Variants in LHX2 observed in about 807,000 individuals in gnomAD.
LHX2 encodes LIM/homeobox protein Lhx2.
A neutral mutation model predicts 33.0 loss-of-function variants in LHX2; 6 were observed. The observed-to-expected ratio is 0.18, with a 90% CI of 0.10 to 0.36. LHX2 has a LOEUF of 0.36. Ranked by LOEUF, LHX2 falls within the 10% of genes least tolerant of loss-of-function variation. LHX2 has a pLI of 1.00. For missense variants in LHX2, 442 were observed against 586.2 expected, an observed-to-expected ratio of 0.75 and a Z score of 2.54; for synonymous variants, 292 against 253.1, an observed-to-expected ratio of 1.15 and a Z score of -1.46.
rs1353524884 is a variant in LHX2, at chr9:124,013,972, C to T, written c.132C>T (p.Ser44=). Residue 44 remains serine, a synonymous_variant, in exon 2 of 5, where the codon TCC becomes TCT. Coordinates refer to ENST00000373615, the MANE Select transcript of LHX2 (RefSeq NM_004789.4). ...DRGDTETTMP[S]ISSDRAALCA... ...CCCTCCCTTCGCAGACCATGCCGTC[C>T]ATCAGCAGTGACCGCGCCGCGCTGT... 20 of 1,612,856 alleles carry T rather than the reference C, an allele frequency of 1.2e-5. No individual in the cohort carries two copies. The highest frequency in any genetic ancestry group is 1.4e-5 in the Non-Finnish European group (17 of 1,179,898).
intron 4 of LHX2, among the ~76,000 whole-genome samples, chr9:124,029,972 C>T (rs1298973721): frequency 1.3e-5 from 2 of 152,200 alleles, no homozygotes; most frequent in Non-Finnish European, 2.9e-5. Flanking sequence ...GGAAGGACCC[C>T]CCCACCCCAG....
Position 124,021,209 on chromosome 9 carries a change from A to T in LHX2, c.838A>T (p.Thr280Ser). 6.2e-7 allele frequency: 1 copy of T among 1,614,226 alleles called. No homozygotes were observed. ...RTSFKHHQLR[T>S]MKSYFAINHN... ...GTCCTTCAAGCACCACCAGCTTCGG[A>T]CCATGAAGTCTTACTTTGCCATTAA... The change falls in exon 4 of 5, where the codon ACC becomes TCC. Residue 280 changes from threonine (T) to serine (S), a missense_variant. Physicochemically the swap from Thr to Ser is moderately conservative, Grantham distance 58 (BLOSUM62 1). Coordinates refer to ENST00000373615, the MANE Select transcript of LHX2 (RefSeq NM_004789.4).
intron 3 of LHX2, among the ~76,000 whole-genome samples, chr9:124,019,866 C>T (rs1185135656): frequency 3.9e-5 from 6 of 152,178 alleles, no homozygotes; most frequent in African/African-American, 1.4e-4. Flanking sequence ...CATGAGGAGG[C>T]GACCTTGGGA....
intron 4 of LHX2, chr9:124,021,735 T>C: frequency 6.1e-6 from 1 of 163,540 alleles, no homozygotes; most frequent in Non-Finnish European, 1.3e-5. Flanking sequence ...TATCATTAGC[T>C]CCTGCTTCTT....
At position 124,012,673 on chromosome 9, in the gene LHX2, G is replaced by A. The variant is rs1196393888; in HGVS notation, c.120+205G>A. On this transcript the variant is annotated intron_variant, in intron 1 of 4. Transcript: ENST00000373615. The surrounding 1 kb of genome is among the most constrained non-coding windows in gnomAD (Gnocchi z 4.3). ...GCAGAAGGGAAACAAGGTTGAAACC[G>A]AAATCTCGGCCCTGGGGGTAGAGGA... Among the ~76,000 whole-genome samples, 1 of 152,242 alleles carries A rather than the reference G, an allele frequency of 6.6e-6. No homozygotes were observed. The highest frequency in any genetic ancestry group is 2.4e-5 in the African/African-American group (1 of 41,474).
intron 4 of LHX2, among the ~76,000 whole-genome samples, chr9:124,025,440 CAA>C (rs71999375): frequency 1.4e-4 from 15 of 104,342 alleles, no homozygotes; most frequent in Admixed American, 6.7e-4. Context: ...GACTCTGTCT[CAA>C]AAAAAAAAAA....
Position 124,012,296 on chromosome 9 carries a change from G to T in LHX2, c.-53G>T. On this transcript the variant is annotated 5_prime_UTR_variant, in exon 1 of 5. Transcript: ENST00000373615. This position sits in a 1 kb window ranked among gnomAD's most constrained non-coding sequence, Gnocchi z 4.3. ...GGAGCGCCAGGCAGCTGAGGCGGGG[G>T]GCAAGCCCTCCCTCGGAGGAGCCGC... The T allele has an allele frequency of 1.3e-5, 19 of 1,457,522 alleles. No individual in the cohort carries two copies. The highest frequency in any genetic ancestry group is 1.6e-5 in the Non-Finnish European group (18 of 1,109,610). 90.3% of individuals were successfully genotyped at this position (1,457,522 alleles called of 1,614,324 possible). A position where few individuals can be genotyped will look rare whatever the true frequency, so the allele number is the denominator to read the frequency against.
Position 124,012,348 on chromosome 9 carries a change from G to A in LHX2, c.-1G>A, listed in dbSNP as rs1198542108. 4 of 1,501,070 alleles carry A rather than the reference G, an allele frequency of 2.7e-6. No homozygotes were observed. In the Admixed American group the frequency reaches 6.3e-5, roughly 24 times the overall value. The allele number at this position is 1,501,070 out of a possible 1,614,324, so 93.0% of individuals were successfully genotyped here. A position where few individuals can be genotyped will look rare whatever the true frequency, so the allele number is the denominator to read the frequency against. ...CCCCCGGCCCCGCCGGTCCCGCCGCGATGCTGTTCCACAGTCTGTCGGGCC... is the reference window on the plus strand; with the variant it reads ...CCCCCGGCCCCGCCGGTCCCGCCGCAATGCTGTTCCACAGTCTGTCGGGCC... On this transcript the variant is annotated 5_prime_UTR_variant, in exon 1 of 5. Coordinates refer to ENST00000373615, the MANE Select transcript of LHX2 (RefSeq NM_004789.4). This position sits in a 1 kb window ranked among gnomAD's most constrained non-coding sequence, Gnocchi z 4.3.
chr9:124,026,852 G>C (rs144219432), intron 4 of LHX2, among the ~76,000 whole-genome samples: 1 of 152,214 alleles, frequency 6.6e-6, no homozygotes, highest in Non-Finnish European at 1.5e-5. Flanking sequence ...GAGGTAGTCA[G>C]GGAAGGCTTC....
chr9:124,022,844 C>A (rs1177477139), intron 4 of LHX2, among the ~76,000 whole-genome samples: 4 of 152,198 alleles, frequency 2.6e-5, no homozygotes, highest in African/African-American at 9.7e-5. Context: ...GCAGCGCTGC[C>A]CACGGGGAGC....
At position 124,012,485 on chromosome 9, in the gene LHX2, G is replaced by A. The variant is rs745724313; in HGVS notation, c.120+17G>A. On this transcript the variant is annotated intron_variant, in intron 1 of 4. Transcript: ENST00000373615. The surrounding 1 kb of genome is among the most constrained non-coding windows in gnomAD (Gnocchi z 4.3). ...ACCGAGACGGTAGGCGCGCGGCTGTGGGGTCGGGGCTGAGAGCTGGGATGG... is the reference window on the plus strand; with the variant it reads ...ACCGAGACGGTAGGCGCGCGGCTGTAGGGTCGGGGCTGAGAGCTGGGATGG... The A allele has an allele frequency of 2.6e-6, 4 of 1,538,058 alleles. No individual in the cohort carries two copies. The South Asian group carries it at 4.8e-5, about 18-fold the overall frequency.
chr9:124,020,948 A>G (rs1588348589), intron 3 of LHX2, 151 bp from the exon 4 acceptor site: 3 of 691,946 alleles, frequency 4.3e-6, no homozygotes, highest in Non-Finnish European at 7.4e-6. Context: ...GTTTCCATCT[A>G]TAAAATGGGG....
At position 124,016,542 on chromosome 9, in the gene LHX2, A is replaced by G. The variant is rs2159792; in HGVS notation, c.727+1017A>G. The stretch of plus-strand genomic sequence containing the variant: ...CCCTTTAGTCTAATGCACAAGCAGA[A>G]AAAAGCAAAAACAAAAACAAACCCA... On this transcript the variant is annotated intron_variant, in intron 3 of 4. Coordinates refer to ENST00000373615, the MANE Select transcript of LHX2 (RefSeq NM_004789.4). The surrounding 1 kb of genome is among the most constrained non-coding windows in gnomAD (Gnocchi z 4.4). Among the ~76,000 whole-genome samples the G allele has an allele frequency of 0.38, 57,797 of 152,098 alleles. 12,013 individuals are homozygous for G. Among genetic ancestry groups the G allele is most frequent in the Admixed American group, 0.49 (7,425 of 15,278 alleles).
Position 124,029,917 on chromosome 9 carries a change from C to G in LHX2, c.934-2503C>G, listed in dbSNP as rs35923842. ...TTCCCCATCCATTTTCTTTAGGCCA[C>G]CAGGACACAGTCTCTCCCCTACAGA... On this transcript the variant is annotated intron_variant, in intron 4 of 4. Transcript: ENST00000373615. Among the ~76,000 whole-genome samples the G allele has an allele frequency of 1.6e-3, 248 of 152,294 alleles. 1 individual carries two copies. Among genetic ancestry groups the G allele is most frequent in the Non-Finnish European group, 2.9e-3 (195 of 68,020 alleles).
At chr9:124,028,951 T>C (rs924880805) in intron 4 of LHX2, among the ~76,000 whole-genome samples, 1 of 151,960 alleles carries the variant, frequency 6.6e-6, no homozygotes, top group Non-Finnish European at 1.5e-5. Flanking sequence ...GTACTAAAAA[T>C]ACAAAAAAAT....
intron 3 of LHX2, among the ~76,000 whole-genome samples, chr9:124,019,180 G>A (rs1342667853): frequency 1.3e-5 from 2 of 152,222 alleles, no homozygotes; most frequent in East Asian, 3.8e-4. Flanking sequence ...GCTCTCTGTG[G>A]GAATGCAGCC....
In LHX2 at chr9:124,032,635, T is replaced by G; in HGVS notation, c.1149T>G (p.Thr383=). 1 of 1,614,050 alleles carries G rather than the reference T, an allele frequency of 6.2e-7. No individual in the cohort carries two copies. Among genetic ancestry groups the G allele is most frequent in the Non-Finnish European group, 8.5e-7 (1 of 1,179,928 alleles). ...PTLPTVTSVL[T]SVPGNLEGHE... ...TGCCAACTGTGACGTCCGTCTTAACTTCTGTGCCTGGCAACCTGGAGGGCC... is the reference window on the plus strand; with the variant it reads ...TGCCAACTGTGACGTCCGTCTTAACGTCTGTGCCTGGCAACCTGGAGGGCC... Residue 383 remains threonine (T), a synonymous_variant, in exon 5 of 5, where the codon ACT becomes ACG. Coordinates refer to ENST00000373615, the MANE Select transcript of LHX2 (RefSeq NM_004789.4). This position sits in a 1 kb window ranked among gnomAD's most constrained non-coding sequence, Gnocchi z 4.1.
At chr9:124,023,261 T>C (rs933149159) in intron 4 of LHX2, among the ~76,000 whole-genome samples, 11 of 152,172 alleles carry the variant, frequency 7.2e-5, no homozygotes, top group African/African-American at 2.7e-4. Flanking sequence ...AGAAGAAGAA[T>C]TGTTTTGGGT....
Position 124,016,188 on chromosome 9 carries a change from G to C in LHX2, c.727+663G>C, listed in dbSNP as rs1273997568. Among the ~76,000 whole-genome samples, 1 of 152,036 alleles carries C rather than the reference G, an allele frequency of 6.6e-6. No individual in the cohort carries two copies. Among genetic ancestry groups the C allele is most frequent in the African/African-American group, 2.4e-5 (1 of 41,390 alleles). The stretch of plus-strand genomic sequence containing the variant: ...CGTGACCCTCGGAAGCGAGCCCCCC[G>C]GGCGGGGACGAGACCGGAGCAGGCC... On this transcript the variant is annotated intron_variant, in intron 3 of 4. Transcript: ENST00000373615. The surrounding 1 kb of genome is among the most constrained non-coding windows in gnomAD (Gnocchi z 4.4).
Sources: allele counts gnomAD v4.1 joint callset (sites outside exome capture counted in the v4.1 genomes callset), GRCh38; gene constraint gnomAD v4.1.1; non-coding constraint Gnocchi (gnomAD v3.1); transcripts MANE v1.5; gene names NCBI Gene and HGNC (gene_info 2026-07-23, HGNC 2026-07-21).